The following UQCRC2 variants were observed in gnomAD, a reference collection of about 807,000 sequenced individuals.
UQCRC2 encodes the protein ubiquinol-cytochrome c reductase core protein 2.
In UQCRC2, 49 loss-of-function variants were observed where a neutral mutation model predicts 55.6. The ratio of observed to expected loss-of-function variants is 0.88; its 90% confidence interval spans 0.70 to 1.12. UQCRC2 has a LOEUF of 1.12. Among genes scored for constraint, UQCRC2 ranks in the 50% most tolerant of loss-of-function variants. UQCRC2 has a pLI of 0.00. For missense variants in UQCRC2, 506 were observed against 547.8 expected, an observed-to-expected ratio of 0.92 and a Z score of 0.76; for synonymous variants, 193 against 192.0, an observed-to-expected ratio of 1.01 and a Z score of -0.04.
At chr16:21,955,347 C>T (rs1278973991) in intron 1 of UQCRC2, among the ~76,000 whole-genome samples, 1 of 152,162 alleles carries the variant, frequency 6.6e-6, no homozygotes, top group Non-Finnish European at 1.5e-5. Context: ...CAACCTAGTA[C>T]AGCACTAATG....
intron 12 of UQCRC2, among the ~76,000 whole-genome samples, chr16:21,978,187 AAG>A (rs1214041962): frequency 6.6e-6 from 1 of 152,178 alleles, no homozygotes; most frequent in Non-Finnish European, 1.5e-5. Flanking sequence ...CCTGTAGTGA[AAG>A]AGAGAAAGTG....
chr16:21,980,319 A>G (rs549843142), intron 12 of UQCRC2: 117 of 489,422 alleles, frequency 2.4e-4, no homozygotes, highest in African/African-American at 2.0e-3. Context: ...TGGGCCCTCA[A>G]TTGGACACTT....
At chr16:21,957,624 A>G (rs1337240870) in intron 3 of UQCRC2, 58 bp downstream of exon 3, 2 of 1,577,432 alleles carry the variant, frequency 1.3e-6, no homozygotes, top group Admixed American at 2.0e-5. Context: ...GGTCCTGTGA[A>G]AAAGAAAAAC....
intron 13 of UQCRC2, 83 bp from the exon 14 acceptor site, chr16:21,983,005 T>C: frequency 7.7e-7 from 1 of 1,294,030 alleles, no homozygotes; most frequent in South Asian, 1.4e-5. Context: ...CCATAAATTC[T>C]TGAAATGACA....
At chr16:21,953,849 G>A (rs1898051363) in intron 1 of UQCRC2, among the ~76,000 whole-genome samples, 1 of 152,150 alleles carries the variant, frequency 6.6e-6, no homozygotes, top group African/African-American at 2.4e-5. Flanking sequence ...GTTTATCACG[G>A]AGCGTCAGTT....
intron 4 of UQCRC2, chr16:21,961,402 TC>T: frequency 2.6e-6 from 1 of 377,748 alleles, no homozygotes; most frequent in South Asian, 1.9e-5. Context: ...GATCCATACG[TC>T]AACATAGCAC....
chr16:21,982,705 C>T (rs1463551782), intron 13 of UQCRC2, among the ~76,000 whole-genome samples: 1 of 152,220 alleles, frequency 6.6e-6, no homozygotes, highest in Non-Finnish European at 1.5e-5. Context: ...TGGCTCACGC[C>T]TGTAATCCCA....
At position 21,983,439 on chromosome 16, in the gene UQCRC2, A is replaced by G; in HGVS notation, c.*268A>G. ...TTTAGATGCTTTAAAGGAGACAGGA[A>G]TATAATTATTGAGTATAGAAGCATC... On this transcript the variant is annotated 3_prime_UTR_variant, in exon 14 of 14. Coordinates refer to ENST00000268379, the MANE Select transcript of UQCRC2 (RefSeq NM_003366.4). 1 of 441,506 alleles carries G rather than the reference A, an allele frequency of 2.3e-6. No homozygotes were observed. The highest frequency in any genetic ancestry group is 4.0e-6 in the Non-Finnish European group (1 of 252,956). 27.3% of individuals were successfully genotyped at this position (441,506 alleles called of 1,614,324 possible).
In UQCRC2 at chr16:21,957,575, C is replaced by G. The variant is rs1248301237; in HGVS notation, c.267+9C>G. The G allele has an allele frequency of 3.1e-6, 5 of 1,613,038 alleles. No individual in the cohort carries two copies. Among genetic ancestry groups the G allele is most frequent in the Non-Finnish European group, 3.4e-6 (4 of 1,179,714 alleles). On this transcript the variant is annotated intron_variant, in intron 3 of 13. Transcript: ENST00000268379. The stretch of plus-strand genomic sequence containing the variant: ...GTCTTACATCCAGTCTGGTGAGTAT[C>G]TTCACTTCCTCAAGTGTTTGGAAAT...
chr16:21,975,932 C>T (rs1184252402), intron 11 of UQCRC2, among the ~76,000 whole-genome samples: 3 of 152,140 alleles, frequency 2.0e-5, no homozygotes, highest in African/African-American at 7.2e-5. Flanking sequence ...GTAGCATGCA[C>T]CTGTAGTCCC....
intron 11 of UQCRC2, 136 bp downstream of exon 11, chr16:21,974,112 A>G (rs1898527243): frequency 2.8e-6 from 2 of 717,742 alleles, no homozygotes; most frequent in South Asian, 2.1e-5. Flanking sequence ...GTATGATGTC[A>G]TTGAAGCATT....
chr16:21,972,900 G>A (rs926561990), intron 10 of UQCRC2, among the ~76,000 whole-genome samples: 1 of 152,234 alleles, frequency 6.6e-6, no homozygotes, highest in African/African-American at 2.4e-5. Flanking sequence ...AGGAGATCAA[G>A]ACCATCCTGG....
chr16:21,978,099 A>G (rs1402593517), intron 12 of UQCRC2, among the ~76,000 whole-genome samples: 3 of 152,194 alleles, frequency 2.0e-5, no homozygotes, highest in Non-Finnish European at 2.9e-5. Flanking sequence ...ATAAGCAGAA[A>G]GTAGAATTTT....
chr16:21,974,808 A>G (rs1016174638), intron 11 of UQCRC2, among the ~76,000 whole-genome samples: 5 of 152,254 alleles, frequency 3.3e-5, no homozygotes, highest in African/African-American at 1.2e-4. Flanking sequence ...CTTGGGATCC[A>G]GCACACAAGT....
At chr16:21,976,767 T>A (rs1473652429) in intron 12 of UQCRC2, 1 of 152,206 alleles carries the variant, frequency 6.6e-6, no homozygotes, top group Non-Finnish European at 1.5e-5. Context: ...TTATCTTATT[T>A]AAATAGCATC....
rs749382600 is a variant in UQCRC2, at chr16:21,962,758, T to C, written c.390-3T>C. 5.0e-6 allele frequency: 8 copies of C among 1,614,148 alleles called. No individual in the cohort carries two copies. The highest frequency in any genetic ancestry group is 6.8e-6 in the Non-Finnish European group (8 of 1,180,036). ...ATAATTCTTATCTCGATGTCTTCTG[T>C]AGTGATATTCTAATGGAGTTCCTGC... On this transcript the variant is annotated splice_polypyrimidine_tract_variant and splice_region_variant and intron_variant, in intron 5 of 13. Transcript: ENST00000268379.
intron 9 of UQCRC2, 94 bp from the exon 10 acceptor site, chr16:21,971,829 G>C (rs113258817): frequency 1.2e-4 from 185 of 1,553,336 alleles, no homozygotes; most frequent in Non-Finnish European, 1.5e-4. Context: ...GAAAAGACTC[G>C]TGGGTTAATA....
At chr16:21,974,718 AAG>A (rs1259728621) in intron 11 of UQCRC2, among the ~76,000 whole-genome samples, 1 of 152,208 alleles carries the variant, frequency 6.6e-6, no homozygotes, top group East Asian at 1.9e-4. Context: ...ATTAGGTTGA[AAG>A]AGACATACTG....
chr16:21,960,856 G>C (rs914307271), intron 4 of UQCRC2, among the ~76,000 whole-genome samples: 3 of 152,006 alleles, frequency 2.0e-5, no homozygotes, highest in African/African-American at 7.3e-5. Flanking sequence ...TTAAAGACAG[G>C]GTCTTGCTCT....
Sources: gnomAD v4.1 joint callset for allele counts (sites outside exome capture counted in the v4.1 genomes callset) on GRCh38, gnomAD v4.1.1 for gene constraint, MANE v1.5 for transcripts, NCBI Gene and HGNC (gene_info 2026-07-23, HGNC 2026-07-21) for gene names.